The following ABR variants were observed in gnomAD, a reference collection of about 807,000 sequenced individuals.
ABR encodes active breakpoint cluster region-related protein.
ABR carries 35 observed loss-of-function variants against 107.2 expected under a neutral mutation model. The ratio of observed to expected loss-of-function variants is 0.33; its 90% CI spans 0.25 to 0.43. The LOEUF (loss-of-function observed/expected upper bound fraction) is 0.43. ABR is among the 20% of genes least tolerant of loss of function. ABR has a pLI of 1.00. For missense variants in ABR, 815 were observed against 1,115.2 expected, an observed-to-expected ratio of 0.73 and a Z score of 3.83; for synonymous variants, 498 against 462.0, an observed-to-expected ratio of 1.08 and a Z score of -1.00.
At chr17:1,088,124 C>T (rs907050561) in intron 4 of ABR, among the ~76,000 whole-genome samples, 5 of 152,192 alleles carry the variant, frequency 3.3e-5, no homozygotes, top group Admixed American at 2.6e-4. Context: ...CCCCAGGGGC[C>T]TCAGGCATCG....
chr17:1,035,867 G>A (rs552245271), intron 16 of ABR, among the ~76,000 whole-genome samples: 2 of 150,992 alleles, frequency 1.3e-5, no homozygotes, highest in Non-Finnish European at 2.9e-5. Context: ...TAGGGAGGGG[G>A]TCATGCCACC....
chr17:1,199,496 G>GA (rs78872807), intron 1 of ABR, among the ~76,000 whole-genome samples: 2 of 31,230 alleles, frequency 6.4e-5, no homozygotes, highest in African/African-American at 1.8e-4. Flanking sequence ...GGATATTTTT[G>GA]GGGGTGGAAG....
intron 2 of ABR, chr17:1,109,025 A>G (rs2038467914): frequency 6.2e-7 from 1 of 1,600,204 alleles, no homozygotes; most frequent in African/African-American, 1.4e-5. Context: ...TTCGTCCTCC[A>G]GAACCTTGTC....
rs1019970397 is a variant in ABR at position 1,154,008 on chromosome 17, T to A, written c.61+25659A>T. The A allele has an allele frequency of 1.2e-5, 2 of 162,986 alleles. No individual in the cohort carries two copies. The highest frequency in any genetic ancestry group is 4.8e-5 in the African/African-American group (2 of 41,482). The allele number at this position is 162,986 out of a possible 1,614,324, so 10.1% of individuals were successfully genotyped here. ...GCGAGCAGCTCCAACTCAGCTCACA[T>A]GGCTCTGCTCCCACTCGGGGGCGGG... is the stretch of plus-strand genomic sequence containing the variant. On this transcript the variant is annotated intron_variant, in intron 1 of 22. Transcript: ENST00000302538. This position sits in a 1 kb window ranked among gnomAD's most constrained non-coding sequence, Gnocchi z 4.0.
At position 1,006,000 on chromosome 17, in the gene ABR, T is replaced by C. The variant is rs766047001; in HGVS notation, c.*80A>G. The C allele has an allele frequency of 3.9e-6, 5 of 1,293,502 alleles. No individual in the cohort carries two copies. The highest frequency in any genetic ancestry group is 2.5e-5 in the South Asian group (2 of 78,878). The allele number at this position is 1,293,502 out of a possible 1,614,324, so 80.1% of individuals were successfully genotyped here. On this transcript the variant is annotated 3_prime_UTR_variant, in exon 23 of 23. Coordinates refer to ENST00000302538, the MANE Select transcript of ABR (RefSeq NM_021962.5). ...GAGTGCTGGGTTTGGGAGTTTTCTA[T>C]TGCAGTCTTTCAAGTCTGAGTTGGA...
Position 1,050,161 on chromosome 17 carries a change from C to A in ABR, c.1680G>T (p.Glu560Asp). The change falls in exon 16 of 23, where the codon GAG (glutamate) becomes GAT (aspartate). Residue 560 changes from glutamate to aspartate, a missense_variant. This residue lies in a region of ABR where 385 missense variants were observed against 596.9 expected (regional missense o/e 0.64). Transcript: ENST00000302538. This position sits in a 1 kb window ranked among gnomAD's most constrained non-coding sequence, Gnocchi z 4.6. ...KWDEEFEIEL[E>D]GSQSLRILCY... is the part of the protein sequence containing the mutation. The stretch of plus-strand genomic sequence containing the variant: ...ACAGGATCCTCAGGGACTGGGAGCC[C>A]TCCAGCTCGATCTCAAACTCCTGGG... The A allele has an allele frequency of 6.2e-7, 1 of 1,613,478 alleles. No homozygotes were observed. The highest frequency in any genetic ancestry group is 1.1e-5 in the South Asian group (1 of 91,026).
At chr17:1,176,127 G>A (rs1156536866) in intron 1 of ABR, among the ~76,000 whole-genome samples, 1 of 151,954 alleles carries the variant, frequency 6.6e-6, no homozygotes, top group Non-Finnish European at 1.5e-5. Flanking sequence ...TGAGGGGAGG[G>A]GCTGGCTGGC....
At position 1,084,602 on chromosome 17, in the gene ABR, G is replaced by A. The variant is rs2036473622; in HGVS notation, c.532-975C>T. ...CCCATCGCCCCTTTCTGCAAAAGGG[G>A]AAACCGAGGCTCCATAAGTCAATTC... On this transcript the variant is annotated intron_variant, in intron 4 of 22. Transcript: ENST00000302538. This position sits in a 1 kb window ranked among gnomAD's most constrained non-coding sequence, Gnocchi z 4.2. 6.6e-6 allele frequency among the ~76,000 whole-genome samples: 1 copy of A among 152,144 alleles called. No individual in the cohort carries two copies. The highest frequency in any genetic ancestry group is 2.4e-5 in the African/African-American group (1 of 41,426).
At chr17:1,101,783 G>C (rs1480665828) in intron 2 of ABR, among the ~76,000 whole-genome samples, 4 of 150,388 alleles carry the variant, frequency 2.7e-5, no homozygotes, top group Admixed American at 6.7e-5. Flanking sequence ...GCCCAGGCTA[G>C]AGTGCAGTGG....
chr17:1,166,331 G>C (rs931008599), intron 1 of ABR, among the ~76,000 whole-genome samples: 3 of 152,026 alleles, frequency 2.0e-5, no homozygotes, highest in African/African-American at 7.3e-5. Flanking sequence ...CCAGTCCCCG[G>C]TCCTGATACT....
chr17:1,169,627 G>A lies in ABR; in HGVS notation c.61+10040C>T, dbSNP rs78342656. On this transcript the variant is annotated intron_variant, in intron 1 of 22. Transcript: ENST00000302538. ...CTCTCTGGGCTCGAGGGCCGTCGTG[G>A]GTGTGAGCCTGGGTCTGGAGGGTCT... Among the ~76,000 whole-genome samples, 810 of 152,264 alleles carry A rather than the reference G, an allele frequency of 5.3e-3. 9 individuals carry two copies. Among genetic ancestry groups the A allele is most frequent in the African/African-American group, 0.018 (764 of 41,550 alleles).
At position 1,200,030 on chromosome 17, in the gene ABR, T is replaced by A. The variant is rs2042643131; in HGVS notation, c.838+28763A>T. Among the ~76,000 whole-genome samples, 1 of 151,908 alleles carries A rather than the reference T, an allele frequency of 6.6e-6. No individual in the cohort carries two copies. Among genetic ancestry groups the A allele is most frequent in the South Asian group, 2.1e-4 (1 of 4,830 alleles). On this transcript the variant is annotated intron_variant, in intron 1 of 22. Coordinates refer to the ABR transcript ENST00000574139. This position sits in a 1 kb window ranked among gnomAD's most constrained non-coding sequence, Gnocchi z 4.1. Reference sequence around the variant, plus strand: ...TGTTGGTGTGCTGCAACCATAGAGCTCTTTACAAAGTTTTATAGTTGGCCT... The same window carrying A: ...TGTTGGTGTGCTGCAACCATAGAGCACTTTACAAAGTTTTATAGTTGGCCT...
rs556299906 is a variant in ABR at position 1,161,447 on chromosome 17, T to A, written c.61+18220A>T. Among the ~76,000 whole-genome samples the A allele has an allele frequency of 1.9e-3, 293 of 152,124 alleles. 1 individual carries two copies. The highest frequency in any genetic ancestry group is 0.017 in the Middle Eastern group (5 of 294). ...TTTTTGTAGAGACAGGGTCTTGATA[T>A]GTTGCCCGGACTGGTCTTGAACTCT... On this transcript the variant is annotated intron_variant, in intron 1 of 22. Transcript: ENST00000302538.
chr17:1,055,690 C>A (rs1373477959), intron 14 of ABR: 2 of 210,596 alleles, frequency 9.5e-6, no homozygotes, highest in African/African-American at 2.3e-5. Context: ...GCCATGCCCA[C>A]GCTAATTTTA....
rs1230686104 is a variant in ABR, at chr17:1,179,222, C to T, written c.61+445G>A. On this transcript the variant is annotated intron_variant, in intron 1 of 22. Coordinates refer to ENST00000302538, the MANE Select transcript of ABR (RefSeq NM_021962.5). The surrounding 1 kb of genome is among the most constrained non-coding windows in gnomAD (Gnocchi z 4.9). ...CCCGGTGCCCCTGGGGTGGCAAACTCGGGTGCCAACGACTGCTCCCAAAAC... is the reference window on the plus strand; with the variant it reads ...CCCGGTGCCCCTGGGGTGGCAAACTTGGGTGCCAACGACTGCTCCCAAAAC... Among the ~76,000 whole-genome samples, 5 of 151,952 alleles carry T rather than the reference C, an allele frequency of 3.3e-5. No individual in the cohort carries two copies. The East Asian group carries it at 9.7e-4, about 29-fold the overall frequency.
rs988965832 is a variant in ABR at position 1,088,838 on chromosome 17, C to G, written c.531+2827G>C. On this transcript the variant is annotated intron_variant, in intron 4 of 22. Coordinates refer to ENST00000302538, the MANE Select transcript of ABR (RefSeq NM_021962.5). Reference sequence around the variant, plus strand: ...TCCTGACCTCAGGTGATCCGCCCACCTTGGCCTCCCAAAGTGTTGCTGGGA... The same window carrying G: ...TCCTGACCTCAGGTGATCCGCCCACGTTGGCCTCCCAAAGTGTTGCTGGGA... 2.6e-5 allele frequency among the ~76,000 whole-genome samples: 4 copies of G among 151,098 alleles called. 1 individual carries two copies. Among genetic ancestry groups the G allele is most frequent in the Non-Finnish European group, 5.9e-5 (4 of 67,938 alleles).
At chr17:1,081,300 C>T (rs966661469) in intron 5 of ABR, among the ~76,000 whole-genome samples, 1 of 152,216 alleles carries the variant, frequency 6.6e-6, no homozygotes, top group Non-Finnish European at 1.5e-5. Flanking sequence ...GTCTTGAACT[C>T]CTGGGCTCAA....
chr17:1,017,001 T>C (rs1022925459), intron 16 of ABR, among the ~76,000 whole-genome samples: 1 of 151,686 alleles, frequency 6.6e-6, no homozygotes, highest in Non-Finnish European at 1.5e-5. Flanking sequence ...TGGGGGCAGG[T>C]GGTACCCAAG....
rs1200002487 is a variant in ABR, at chr17:1,078,755, C to T, written c.700+575G>A. 1.1e-5 allele frequency: 17 copies of T among 1,517,296 alleles called. No homozygotes were observed. Among genetic ancestry groups the T allele is most frequent in the Non-Finnish European group, 1.5e-5 (17 of 1,131,462 alleles). 94.0% of individuals were successfully genotyped at this position (1,517,296 alleles called of 1,614,324 possible). A position where few individuals can be genotyped will look rare whatever the true frequency, so the allele number is the denominator to read the frequency against. On this transcript the variant is annotated intron_variant, in intron 6 of 22. Transcript: ENST00000302538. The surrounding 1 kb of genome is among the most constrained non-coding windows in gnomAD (Gnocchi z 7.5). ...CTCCCCGGCCACATCTAAGCCCACT[C>T]CAGCCGGCCCCCAGAGGTGGGAGGG...
Sources: allele counts gnomAD v4.1 joint callset (sites outside exome capture counted in the v4.1 genomes callset), GRCh38; gene constraint gnomAD v4.1.1; regional missense constraint gnomAD v4.1.1; non-coding constraint Gnocchi (gnomAD v3.1); transcripts MANE v1.5; gene names NCBI Gene and HGNC (gene_info 2026-07-23, HGNC 2026-07-21).